ILDR1: variants seen among roughly 807,000 people sequenced by gnomAD.
The protein encoded by ILDR1 is immunoglobulin-like domain-containing receptor 1.
Under a neutral mutation model 62.4 loss-of-function variants are expected in ILDR1, and 56 were observed. The ratio of observed to expected loss-of-function variants is 0.90; its 90% CI spans 0.72 to 1.12. The LOEUF is 1.12. ILDR1 is among the 50% of genes most tolerant of loss of function. The pLI, the probability that ILDR1 is intolerant of heterozygous loss-of-function variation, is 0.00. For synonymous variants in ILDR1, 284 were observed against 277.8 expected, an observed-to-expected ratio of 1.02 and a Z score of -0.22; for missense variants, 736 against 710.6, an observed-to-expected ratio of 1.04 and a Z score of -0.41.
At chr3:122,006,874 T>G in intron 2 of ILDR1, 117 bp downstream of exon 2, 1 of 1,102,004 alleles carries the variant, frequency 9.1e-7, no homozygotes, top group Non-Finnish European at 1.3e-6. Flanking sequence ...TAGGTGATCT[T>G]TGTGTCTTCT....
At chr3:122,045,025 G>A in the ILDR1 span, among the ~76,000 whole-genome samples, 1 of 151,476 alleles carries the variant, frequency 6.6e-6, no homozygotes, top group Non-Finnish European at 1.5e-5. Context: ...GTCAATTTTG[G>A]ATGTTTCCTG....
At chr3:122,001,634 C>A (rs1010985902) in intron 4 of ILDR1, 111 bp downstream of exon 4, 1 of 1,541,536 alleles carries the variant, frequency 6.5e-7, no homozygotes, top group African/African-American at 1.4e-5. Context: ...GGTTGATAAT[C>A]CAATGACAAG....
At chr3:122,000,525 T>A (rs923930032) in intron 5 of ILDR1, among the ~76,000 whole-genome samples, 4 of 152,272 alleles carry the variant, frequency 2.6e-5, no homozygotes, top group African/African-American at 9.6e-5. Flanking sequence ...TTCATTTGGC[T>A]GTTCACTTGT....
At chr3:122,049,568 A>T in the ILDR1 span, among the ~76,000 whole-genome samples, 1 of 152,212 alleles carries the variant, frequency 6.6e-6, no homozygotes, top group African/African-American at 2.4e-5. Context: ...ATGTTGGTGC[A>T]TATAAATTTA....
chr3:122,046,940 A>G, the ILDR1 span, among the ~76,000 whole-genome samples: 3 of 143,196 alleles, frequency 2.1e-5, no homozygotes, highest in South Asian at 2.4e-4. Flanking sequence ...TTCTCCATCC[A>G]GCTTTGTTCC....
At chr3:122,034,241 C>T in the ILDR1 span, among the ~76,000 whole-genome samples, 1 of 152,106 alleles carries the variant, frequency 6.6e-6, no homozygotes, top group Non-Finnish European at 1.5e-5. Context: ...CCAGTAACTT[C>T]TTGTGTCTGG....
At chr3:122,042,023 G>A in the ILDR1 span, among the ~76,000 whole-genome samples, 7 of 123,890 alleles carry the variant, frequency 5.7e-5, no homozygotes, top group Middle Eastern at 3.9e-3. Flanking sequence ...CCACTAACTC[G>A]TCATCTAGCA....
At position 121,993,539 on chromosome 3, in the gene ILDR1, G is replaced by C. The variant is rs759613864; in HGVS notation, c.1210C>G (p.Arg404Gly). ...ELDPSWSGRH[R>G]SSRLNGSPIH... ...GGTGACCCATTCAGCCTAGAGCTAC[G>C]GTGCCTTCCACTCCACGATGGGTCC... Residue 404 changes from arginine (R) to glycine (G), a missense_variant, in exon 7 of 8, where the codon CGT becomes GGT. Transcript: ENST00000344209. 4 of 1,614,178 alleles carry C rather than the reference G, an allele frequency of 2.5e-6. No homozygotes were observed. Among genetic ancestry groups the C allele is most frequent in the Non-Finnish European group, 3.4e-6 (4 of 1,180,034 alleles).
chr3:122,044,644 G>C, the ILDR1 span, among the ~76,000 whole-genome samples: 2 of 151,322 alleles, frequency 1.3e-5, no homozygotes, highest in Non-Finnish European at 3.0e-5. Context: ...GTTTAGTCTT[G>C]GGAGAGTGTA....
intron 5 of ILDR1, among the ~76,000 whole-genome samples, chr3:121,995,262 C>G (rs1248619884): frequency 2.0e-5 from 3 of 152,176 alleles, no homozygotes; most frequent in Non-Finnish European, 4.4e-5. Context: ...TGTGCCTGTA[C>G]GTTAAGTGCA....
At chr3:122,033,425 C>T in the ILDR1 span, among the ~76,000 whole-genome samples, 9 of 151,744 alleles carry the variant, frequency 5.9e-5, no homozygotes. Context: ...AGTACCTTCT[C>T]TCAATTAGTG....
upstream of ILDR1, chr3:122,022,390 C>A (rs1166913450): frequency 6.0e-6 from 2 of 333,694 alleles, no homozygotes; most frequent in Non-Finnish European, 5.4e-6. Flanking sequence ...ACACCGTCCC[C>A]CACCCCGCTG....
intron 1 of ILDR1, among the ~76,000 whole-genome samples, chr3:122,008,441 C>T (rs1225989248): frequency 6.6e-6 from 1 of 152,176 alleles, no homozygotes; most frequent in African/African-American, 2.4e-5. Flanking sequence ...TAGTGTGGAG[C>T]ACTAGTACTC....
Position 121,988,107 on chromosome 3 carries a change from C to T in ILDR1, c.*260G>A. On this transcript the variant is annotated 3_prime_UTR_variant, in exon 8 of 8. Coordinates refer to ENST00000344209, the MANE Select transcript of ILDR1 (RefSeq NM_001199799.2). ...TTTATATTTTTTGTAGAGACGGGGT[C>T]TCACTATGTTTCCCAGGCTGATCTT... The T allele has an allele frequency of 9.0e-6, 5 of 555,844 alleles. No homozygotes were observed. The highest frequency in any genetic ancestry group is 8.1e-5 in the South Asian group (5 of 61,368). 34.4% of individuals were successfully genotyped at this position (555,844 alleles called of 1,614,324 possible). A position where few individuals can be genotyped will look rare whatever the true frequency, so the allele number is the denominator to read the frequency against.
At chr3:122,047,546 C>T in the ILDR1 span, among the ~76,000 whole-genome samples, 2 of 152,236 alleles carry the variant, frequency 1.3e-5, no homozygotes, top group Non-Finnish European at 2.9e-5. Flanking sequence ...TCTCAGACTG[C>T]TGTGCTAGCA....
upstream of ILDR1, chr3:122,022,324 C>T: frequency 2.4e-6 from 1 of 422,960 alleles, no homozygotes; most frequent in Non-Finnish European, 4.2e-6. Context: ...TCCGCCCCCG[C>T]CTCCCGGGGG....
rs140903630 is a variant in ILDR1 at position 122,005,479 on chromosome 3, A to G, written c.230-86T>C. 6,451 of 1,454,108 alleles carry G rather than the reference A, an allele frequency of 4.4e-3. 17 individuals carry two copies. Among genetic ancestry groups the G allele is most frequent in the Non-Finnish European group, 5.4e-3 (5,634 of 1,040,642 alleles). The allele number at this position is 1,454,108 out of a possible 1,614,324, so 90.1% of individuals were successfully genotyped here. Reference sequence around the variant, plus strand: ...TCCCTTCCTGCTCCGGGCGTGAGACACAGTGAAGTGTCTCAATTTTTCCCA... The same window carrying G: ...TCCCTTCCTGCTCCGGGCGTGAGACGCAGTGAAGTGTCTCAATTTTTCCCA... On this transcript the variant is annotated intron_variant, in intron 2 of 7. Transcript: ENST00000344209.
chr3:121,993,945 C>G lies in ILDR1; in HGVS notation c.804G>C (p.Pro268=). ...TGGTGGTCTGGGTCATTGGCATCTG[C>G]GGGAGGCTGGACGGCAGGGACAAAT... ...QRDLSLPSSL[P]QMPMTQTTNQ... is the part of the protein sequence containing the mutation. Residue 268 remains proline (P), a synonymous_variant, in exon 7 of 8, where the codon CCG becomes CCC. Transcript: ENST00000344209. The G allele has an allele frequency of 6.2e-7, 1 of 1,612,178 alleles. No homozygotes were observed. Among genetic ancestry groups the G allele is most frequent in the Non-Finnish European group, 8.5e-7 (1 of 1,179,996 alleles).
the ILDR1 span, chr3:122,055,367 T>C: frequency 1.1e-6 from 1 of 921,688 alleles, no homozygotes. Context: ...TATACAGTCA[T>C]TGCCGAGGAA....
Sources: allele counts gnomAD v4.1 joint callset (sites outside exome capture counted in the v4.1 genomes callset), GRCh38; gene constraint gnomAD v4.1.1; transcripts MANE v1.5; gene names NCBI Gene and HGNC (gene_info 2026-07-23, HGNC 2026-07-21).